B3GLCT: variants seen among roughly 807,000 people sequenced by gnomAD.
The protein encoded by B3GLCT is beta-1,3-glucosyltransferase.
A neutral mutation model predicts 63.4 loss-of-function variants in B3GLCT; 65 were observed. The ratio of observed to expected loss-of-function variants is 1.03; its 90% CI spans 0.84 to 1.26. The LOEUF is 1.26. Ranked by LOEUF, B3GLCT falls within the 50% of genes most tolerant of loss-of-function variation. B3GLCT has a pLI of 0.00. For missense variants in B3GLCT, 577 were observed against 604.8 expected (o/e 0.95, Z 0.48); for synonymous variants, 233 against 219.2 (o/e 1.06, Z -0.55).
chr13:31,284,833 T>C (rs1205969822), intron 11 of B3GLCT, 72 bp downstream of exon 11: 1 of 950,472 alleles, frequency 1.1e-6, no homozygotes, highest in Non-Finnish European at 1.7e-6. Flanking sequence ...TAGGTTAGGA[T>C]AAAAATGAAA....
chr13:31,237,574 C>T (rs774580148), intron 4 of B3GLCT, among the ~76,000 whole-genome samples: 2 of 152,036 alleles, frequency 1.3e-5, no homozygotes, highest in African/African-American at 2.4e-5. Flanking sequence ...AGGCTTCTCT[C>T]GAACTCCTGA....
intron 3 of B3GLCT, among the ~76,000 whole-genome samples, chr13:31,224,085 C>T (rs1266179636): frequency 1.3e-5 from 2 of 152,146 alleles, no homozygotes; most frequent in African/African-American, 2.4e-5. Context: ...GAGACCCCCG[C>T]CCCCGGGTGG....
intron 6 of B3GLCT, among the ~76,000 whole-genome samples, chr13:31,252,513 G>A (rs1871480507): frequency 6.6e-6 from 1 of 151,202 alleles, no homozygotes; most frequent in African/African-American, 2.4e-5. Flanking sequence ...AAAAAGGGAT[G>A]GAGGAAGATT....
intron 12 of B3GLCT, among the ~76,000 whole-genome samples, chr13:31,313,215 C>G (rs1874813826): frequency 6.6e-6 from 1 of 151,994 alleles, no homozygotes; most frequent in African/African-American, 2.4e-5. Flanking sequence ...TCCCTCCCAC[C>G]AAAAAATGAG....
chr13:31,207,960 T>G (rs1471767565), intron 1 of B3GLCT, among the ~76,000 whole-genome samples: 1 of 152,224 alleles, frequency 6.6e-6, no homozygotes, highest in African/African-American at 2.4e-5. Context: ...TGAACATACA[T>G]GAACTCACTT....
At chr13:31,254,372 T>C (rs2313818) in intron 6 of B3GLCT, among the ~76,000 whole-genome samples, 56,832 of 152,078 alleles carry the variant, frequency 0.37, 11,360 homozygotes, top group East Asian at 0.72. Flanking sequence ...TGGCTCAACA[T>C]ATGCAAATCA....
At chr13:31,272,871 T>C (rs1434512126) in intron 8 of B3GLCT, among the ~76,000 whole-genome samples, 1 of 152,222 alleles carries the variant, frequency 6.6e-6, no homozygotes, top group Non-Finnish European at 1.5e-5. Context: ...TATCATTCCA[T>C]CTTGCTTCTT....
chr13:31,229,539 C>T (rs1040624578), intron 4 of B3GLCT, among the ~76,000 whole-genome samples: 4 of 152,110 alleles, frequency 2.6e-5, no homozygotes, highest in Admixed American at 2.6e-4. Context: ...TGACGTCAGG[C>T]ATTGGAGACC....
intron 12 of B3GLCT, among the ~76,000 whole-genome samples, chr13:31,311,906 A>G (rs1041044857): frequency 1.3e-5 from 2 of 152,240 alleles, no homozygotes; most frequent in African/African-American, 2.4e-5. Flanking sequence ...ATATAATTTT[A>G]TAGATTAAAC....
At chr13:31,320,542 TA>T (rs1253744281) in intron 13 of B3GLCT, among the ~76,000 whole-genome samples, 1 of 152,232 alleles carries the variant, frequency 6.6e-6, no homozygotes, top group African/African-American at 2.4e-5. Flanking sequence ...CATAATTACA[TA>T]TGATTTTCCT....
chr13:31,251,518 C>G (rs1023830067), intron 6 of B3GLCT, among the ~76,000 whole-genome samples: 2 of 152,096 alleles, frequency 1.3e-5, no homozygotes, highest in African/African-American at 4.8e-5. Flanking sequence ...TAGAGAAGAA[C>G]GTAAATGACC....
intron 13 of B3GLCT, among the ~76,000 whole-genome samples, chr13:31,318,160 A>G (rs1363242156): frequency 6.6e-6 from 1 of 152,204 alleles, no homozygotes. Flanking sequence ...GTTTTAAATG[A>G]AGCATCTGCC....
intron 13 of B3GLCT, among the ~76,000 whole-genome samples, chr13:31,321,540 A>G (rs904184997): frequency 4.6e-5 from 7 of 152,246 alleles, no homozygotes; most frequent in East Asian, 1.9e-4. Flanking sequence ...ATACATACCC[A>G]TGCACACTCA....
chr13:31,325,475 AG>A (rs1875560901), intron 14 of B3GLCT, among the ~76,000 whole-genome samples: 1 of 152,210 alleles, frequency 6.6e-6, no homozygotes, highest in Admixed American at 6.5e-5. Context: ...CTTTTCATTT[AG>A]GGAAGAATAA....
rs987796107 is a variant in B3GLCT at position 31,286,712 on chromosome 13, T to G, written c.965-8T>G. The stretch of plus-strand genomic sequence containing the variant: ...ATACATTGTAAGTTTTTTTCTTGCC[T>G]TTTCTAGGTCATTGTGGAAAGACAT... On this transcript the variant is annotated splice_polypyrimidine_tract_variant and splice_region_variant and intron_variant, in intron 11 of 14. Transcript: ENST00000343307. 11 of 1,590,000 alleles carry G rather than the reference T, an allele frequency of 6.9e-6. No homozygotes were observed. The highest frequency in any genetic ancestry group is 9.5e-6 in the Non-Finnish European group (11 of 1,158,568).
chr13:31,319,678 G>A (rs1875237419), intron 13 of B3GLCT, among the ~76,000 whole-genome samples: 1 of 152,136 alleles, frequency 6.6e-6, no homozygotes, highest in Non-Finnish European at 1.5e-5. Context: ...GTCCCTGGGT[G>A]ATCTTATGGC....
rs575565433 is a variant in B3GLCT at position 31,289,866 on chromosome 13, GTT to G, written c.1064+3058_1064+3059del. Reference sequence around the variant, plus strand: ...CTGACATTTTCCAATAACATTGGTAGTTTTTTTTTTTTAATTATACTTTAAGT... The same window carrying G: ...CTGACATTTTCCAATAACATTGGTAGTTTTTTTTTTAATTATACTTTAAGT... On this transcript the variant is annotated intron_variant, in intron 12 of 14. Coordinates refer to ENST00000343307, the MANE Select transcript of B3GLCT (RefSeq NM_194318.4). Among the ~76,000 whole-genome samples, 834 of 145,654 alleles carry G rather than the reference GTT, an allele frequency of 5.7e-3. 12 individuals are homozygous for G. Among genetic ancestry groups the G allele is most frequent in the African/African-American group, 0.02 (801 of 40,030 alleles).
intron 14 of B3GLCT, among the ~76,000 whole-genome samples, chr13:31,329,009 G>T (rs977149380): frequency 2.6e-5 from 4 of 152,118 alleles, no homozygotes; most frequent in Non-Finnish European, 4.4e-5. Context: ...CTCCTCCCGA[G>T]TGAGCTCCTT....
chr13:31,208,086 C>T (rs1869051888), intron 1 of B3GLCT, among the ~76,000 whole-genome samples: 2 of 152,212 alleles, frequency 1.3e-5, no homozygotes, highest in South Asian at 4.2e-4. Flanking sequence ...TATACTTTGT[C>T]TTTGTACTTT....
Sources: allele counts gnomAD v4.1 joint callset (sites outside exome capture counted in the v4.1 genomes callset), GRCh38; gene constraint gnomAD v4.1.1; transcripts MANE v1.5; gene names NCBI Gene and HGNC (gene_info 2026-07-23, HGNC 2026-07-21).